PAFAH2: variants seen among roughly 807,000 people sequenced by gnomAD.
The protein encoded by PAFAH2 is platelet activating factor acetylhydrolase 2.
PAFAH2 carries 42 observed loss-of-function variants against 49.0 expected under a neutral mutation model. The ratio of observed to expected loss-of-function variants is 0.86; its 90% CI spans 0.67 to 1.11. PAFAH2 has a LOEUF of 1.11. Among genes scored for constraint, PAFAH2 ranks in the 50% least tolerant of loss-of-function variants. The pLI is 0.00. For missense variants in PAFAH2, 503 were observed against 501.8 expected (o/e 1.00, Z -0.02); for synonymous variants, 184 against 181.3 (o/e 1.01, Z -0.12).
chr1:25,976,640 G>A (rs761344609), intron 8 of PAFAH2, 42 bp downstream of exon 8: 54 of 1,333,314 alleles, frequency 4.1e-5, no homozygotes, highest in Non-Finnish European at 5.7e-5. Context: ...ATGAATAAAC[G>A]GTGTATGGAG....
chr1:25,990,869 T>A lies in PAFAH2; in HGVS notation c.-47-6A>T. ...GCCGGAGCTGAACTTGCTGGCTGGATGGGGGAACACAGAACAGCAGCCGCT... is the reference window on the plus strand; with the variant it reads ...GCCGGAGCTGAACTTGCTGGCTGGAAGGGGGAACACAGAACAGCAGCCGCT... On this transcript the variant is annotated splice_polypyrimidine_tract_variant and splice_region_variant and intron_variant, in intron 1 of 10. Transcript: ENST00000374282. 1 of 1,451,454 alleles carries A rather than the reference T, an allele frequency of 6.9e-7. No homozygotes were observed. Among genetic ancestry groups the A allele is most frequent in the Non-Finnish European group, 9.7e-7 (1 of 1,033,946 alleles). 89.9% of individuals were successfully genotyped at this position (1,451,454 alleles called of 1,614,324 possible).
chr1:25,962,729 A>G (rs901351965), intron 10 of PAFAH2, among the ~76,000 whole-genome samples: 1 of 151,744 alleles, frequency 6.6e-6, no homozygotes, highest in Non-Finnish European at 1.5e-5. Flanking sequence ...GGAGGCCAAG[A>G]CTGGAGGATT....
intron 4 of PAFAH2, among the ~76,000 whole-genome samples, chr1:25,986,826 C>T (rs368704078): frequency 6.6e-6 from 1 of 151,964 alleles, no homozygotes; most frequent in Non-Finnish European, 1.5e-5. Context: ...CCACCGCGCT[C>T]GGCCAAAAAT....
chr1:25,968,635 C>T (rs961792290), intron 10 of PAFAH2, among the ~76,000 whole-genome samples: 4 of 152,172 alleles, frequency 2.6e-5, no homozygotes, highest in Non-Finnish European at 5.9e-5. Flanking sequence ...GAGCCACTTA[C>T]AGCCTATTTT....
Position 25,982,348 on chromosome 1 carries a change from C to T in PAFAH2, c.666+16G>A, listed in dbSNP as rs1223498588. ...CCTGAATACTGGGCTCTAGGTCATA[C>T]CAATTGCTTCCATACCTTCAAAGTC... On this transcript the variant is annotated intron_variant, in intron 7 of 10. Transcript: ENST00000374282. The T allele has an allele frequency of 6.3e-7, 1 of 1,580,334 alleles. No homozygotes were observed.
At chr1:25,979,324 T>C (rs573740967) in intron 7 of PAFAH2, among the ~76,000 whole-genome samples, 8 of 152,036 alleles carry the variant, frequency 5.3e-5, no homozygotes, top group African/African-American at 1.7e-4. Context: ...AATGCCTTTT[T>C]TTTTTTTTTT....
rs1196233402 is a variant in PAFAH2, at chr1:25,962,093, A to G, written c.1085-10T>C. The G allele has an allele frequency of 4.4e-6, 7 of 1,600,972 alleles. No homozygotes were observed. Among genetic ancestry groups the G allele is most frequent in the Non-Finnish European group, 6.0e-6 (7 of 1,169,086 alleles). On this transcript the variant is annotated splice_polypyrimidine_tract_variant and intron_variant, in intron 10 of 10. Transcript: ENST00000374282. Reference sequence around the variant, plus strand: ...TAGTCTTCTTTCAGGTCTGAAAAGGAAAAAAACAGGAACATTAGGCAAATC... The same window carrying G: ...TAGTCTTCTTTCAGGTCTGAAAAGGGAAAAAACAGGAACATTAGGCAAATC...
rs2049321406 is a variant in PAFAH2, at chr1:25,960,346, C to A, written c.*1643G>T. On this transcript the variant is annotated 3_prime_UTR_variant, in exon 11 of 11. Coordinates refer to ENST00000374282, the MANE Select transcript of PAFAH2 (RefSeq NM_000437.4). ...TTGCTCTTACCTACTTGGACTGAGGCACGAAGTCTTGAGTAGTGGAGAAGA... is the reference window on the plus strand; with the variant it reads ...TTGCTCTTACCTACTTGGACTGAGGAACGAAGTCTTGAGTAGTGGAGAAGA... 2 of 152,774 alleles carry A rather than the reference C, an allele frequency of 1.3e-5. No individual in the cohort carries two copies. Among genetic ancestry groups the A allele is most frequent in the East Asian group, 3.9e-4 (2 of 5,188 alleles). The allele number at this position is 152,774 out of a possible 1,614,324, so 9.5% of individuals were successfully genotyped here.
rs377046286 is a variant in PAFAH2 at position 25,988,347 on chromosome 1, T to C, written c.245-20A>G. 1.3e-5 allele frequency: 20 copies of C among 1,584,538 alleles called. No individual in the cohort carries two copies. The East Asian group carries it at 2.5e-4, about 20-fold the overall frequency. On this transcript the variant is annotated intron_variant, in intron 3 of 10. Coordinates refer to ENST00000374282, the MANE Select transcript of PAFAH2 (RefSeq NM_000437.4). ...AAGATCCTAGCAGAGACATGGGCTA[T>C]AGAATATCTGGCTGCCCCAAAGCTG...
chr1:25,982,447 C>G lies in PAFAH2; in HGVS notation c.583G>C (p.Val195Leu). Residue 195 changes from valine to leucine, a missense_variant, in exon 7 of 11, where the codon GTG (valine) becomes CTG (leucine). Transcript: ENST00000374282. Reference protein sequence around the residue: ...VHQRVSECLRVLKILQEVTAG... With the variant: ...VHQRVSECLRLLKILQEVTAG... ...GTGACCTCTTGCAGGATCTTCAACA[C>G]CCGTAAACACTCGCTTACCCGCTGA... 6.2e-7 allele frequency: 1 copy of G among 1,614,138 alleles called. No individual in the cohort carries two copies. The highest frequency in any genetic ancestry group is 1.1e-5 in the South Asian group (1 of 91,086).
intron 9 of PAFAH2, among the ~76,000 whole-genome samples, chr1:25,973,557 C>G (rs1219361450): frequency 2.6e-5 from 4 of 152,200 alleles, no homozygotes; most frequent in African/African-American, 9.7e-5. Flanking sequence ...CACCTCCTTT[C>G]CCTCCTGAAT....
At chr1:25,972,036 T>C (rs762384093) in intron 10 of PAFAH2, among the ~76,000 whole-genome samples, 4 of 152,140 alleles carry the variant, frequency 2.6e-5, no homozygotes, top group Non-Finnish European at 5.9e-5. Context: ...GCCAGGTCAT[T>C]CTGCAAGTAA....
At chr1:25,967,950 G>C (rs1245424481) in intron 10 of PAFAH2, among the ~76,000 whole-genome samples, 1 of 152,142 alleles carries the variant, frequency 6.6e-6, no homozygotes, top group African/African-American at 2.4e-5. Flanking sequence ...CGGATGACTT[G>C]AGGTCAAGAG....
intron 10 of PAFAH2, among the ~76,000 whole-genome samples, chr1:25,965,462 C>T (rs1229112156): frequency 2.0e-5 from 3 of 152,078 alleles, no homozygotes; most frequent in Non-Finnish European, 4.4e-5. Context: ...AATAGACAAC[C>T]TACAGAATGG....
chr1:25,988,454 C>A, intron 3 of PAFAH2, 127 bp from the exon 4 acceptor site: 3 of 649,104 alleles, frequency 4.6e-6, no homozygotes, highest in Non-Finnish European at 8.2e-6. Flanking sequence ...GGCCCCTGAG[C>A]AGCTCAGGGC....
At chr1:25,978,206 A>T (rs1424548012) in intron 7 of PAFAH2, among the ~76,000 whole-genome samples, 1 of 151,666 alleles carries the variant, frequency 6.6e-6, no homozygotes, top group African/African-American at 2.4e-5. Context: ...TTCAACATTA[A>T]AAAAAAATAG....
At chr1:25,966,687 G>T (rs1459880352) in intron 10 of PAFAH2, among the ~76,000 whole-genome samples, 1 of 152,036 alleles carries the variant, frequency 6.6e-6, no homozygotes, top group South Asian at 2.1e-4. Flanking sequence ...CACTATTCGG[G>T]TGATGGGTAC....
chr1:25,976,276 C>T lies in PAFAH2; in HGVS notation c.758+406G>A, dbSNP rs192061500. 7.2e-3 allele frequency among the ~76,000 whole-genome samples: 1,103 copies of T among 152,146 alleles called. 4 individuals carry two copies. The highest frequency in any genetic ancestry group is 1.0e-2 in the Non-Finnish European group (678 of 68,016). Reference sequence around the variant, plus strand: ...GCCTCAGGCTTCAAAGTAGCCGGGACTACAGGCATGCACTATCACACTTGG... The same window carrying T: ...GCCTCAGGCTTCAAAGTAGCCGGGATTACAGGCATGCACTATCACACTTGG... On this transcript the variant is annotated intron_variant, in intron 8 of 10. Coordinates refer to ENST00000374282, the MANE Select transcript of PAFAH2 (RefSeq NM_000437.4).
intron 10 of PAFAH2, among the ~76,000 whole-genome samples, chr1:25,968,405 A>C (rs893714431): frequency 6.6e-6 from 1 of 152,016 alleles, no homozygotes; most frequent in Admixed American, 6.6e-5. Flanking sequence ...TGGGAGGCAA[A>C]GTTAACTGAG....
Sources: gnomAD v4.1 joint callset for allele counts (sites outside exome capture counted in the v4.1 genomes callset) on GRCh38, gnomAD v4.1.1 for gene constraint, MANE v1.5 for transcripts, NCBI Gene and HGNC (gene_info 2026-07-23, HGNC 2026-07-21) for gene names.